The following OR9Q1 variants were observed in gnomAD, a reference collection of about 807,000 sequenced individuals.
The protein encoded by OR9Q1 is olfactory receptor family 9 subfamily Q member 1, also known as olfactory receptor 9Q1.
For synonymous variants in OR9Q1, 153 were observed against 148.6 expected (o/e 1.03, Z -0.22); for missense variants, 374 against 378.8 (o/e 0.99, Z 0.11).
chr11:58,046,486 A>G (rs1357728494), intron 1 of OR9Q1, among the ~76,000 whole-genome samples: 3 of 152,196 alleles, frequency 2.0e-5, no homozygotes, highest in Non-Finnish European at 4.4e-5. Context: ...TTGCTCAGTG[A>G]AGGGAGTGTT....
intron 2 of OR9Q1, among the ~76,000 whole-genome samples, chr11:58,056,251 A>T (rs571822081): frequency 1.2e-4 from 18 of 152,298 alleles, no homozygotes; most frequent in African/African-American, 4.1e-4. Context: ...AAAATTTAAC[A>T]GTTGACCTTC....
intron 2 of OR9Q1, among the ~76,000 whole-genome samples, chr11:58,095,983 CTAA>C (rs748729030): frequency 6.6e-6 from 1 of 151,970 alleles, no homozygotes; most frequent in African/African-American, 2.4e-5. Context: ...AGTTACAAAA[CTAA>C]TAATAAAAAA....
chr11:58,080,219 A>G (rs1296093218), intron 2 of OR9Q1, among the ~76,000 whole-genome samples: 2 of 152,128 alleles, frequency 1.3e-5, no homozygotes, highest in Non-Finnish European at 1.5e-5. Flanking sequence ...TTTAGCTCCC[A>G]TTTATGCATG....
intron 2 of OR9Q1, among the ~76,000 whole-genome samples, chr11:58,082,129 T>C (rs1853593187): frequency 6.6e-6 from 1 of 152,092 alleles, no homozygotes; most frequent in Admixed American, 6.6e-5. Flanking sequence ...CTGGAGAGGA[T>C]GTGGAGAAAT....
intron 2 of OR9Q1, among the ~76,000 whole-genome samples, chr11:58,095,772 G>T (rs1470079931): frequency 2.0e-5 from 3 of 152,090 alleles, no homozygotes; most frequent in African/African-American, 7.2e-5. Flanking sequence ...AGATTTGAAT[G>T]GGGACACAAA....
rs1381982585 is a variant in OR9Q1, at chr11:58,179,921, G to T, written c.477G>T (p.Arg159=). The change falls in exon 3 of 3, where the codon CGG becomes CGT. Residue 159 remains arginine, a synonymous_variant. Coordinates refer to ENST00000335397, the MANE Select transcript of OR9Q1 (RefSeq NM_001005212.4). ...CTGGTCTCATCAGTGCCTTGGTGCG[G>T]ACAGTCTCAGCCTTCACTCTCTCCT... is the stretch of plus-strand genomic sequence containing the variant. ...YVAGLISALV[R]TVSAFTLSFC... is the part of the protein sequence containing the mutation. The T allele has an allele frequency of 3.1e-6, 5 of 1,614,166 alleles. No homozygotes were observed. Among genetic ancestry groups the T allele is most frequent in the Non-Finnish European group, 4.2e-6 (5 of 1,180,032 alleles).
intron 1 of OR9Q1, among the ~76,000 whole-genome samples, chr11:58,042,626 C>G (rs895190494): frequency 6.7e-6 from 1 of 149,982 alleles, no homozygotes; most frequent in South Asian, 2.1e-4. Flanking sequence ...CTTGGCGATG[C>G]GGGCTCTTTT....
chr11:58,112,015 T>C (rs1030672374), intron 2 of OR9Q1, among the ~76,000 whole-genome samples: 1 of 152,076 alleles, frequency 6.6e-6, no homozygotes, highest in African/African-American at 2.4e-5. Flanking sequence ...GGGCCAGGTG[T>C]GGTGGCTCAT....
intron 2 of OR9Q1, among the ~76,000 whole-genome samples, chr11:58,122,987 G>T (rs1269573266): frequency 6.6e-6 from 1 of 151,122 alleles, no homozygotes; most frequent in Admixed American, 6.6e-5. Context: ...TTTTGTTATG[G>T]TCTTGCTTGG....
chr11:58,072,309 C>T (rs1482666073), intron 2 of OR9Q1: 1 of 152,344 alleles, frequency 6.6e-6, no homozygotes, highest in African/African-American at 2.4e-5. Flanking sequence ...TTTTTGGATA[C>T]ATGAAATTCA....
At position 58,180,323 on chromosome 11, in the gene OR9Q1, C is replaced by G; in HGVS notation, c.879C>G (p.Asn293Lys). ...ATCCCCTCATCTACAGCCTGAGGAA[C>G]AAGGAAGTGAAGGAGGCCCTGAGAA... ...MLNPLIYSLRNKEVKEALRKI... is the reference protein window; with the variant it reads ...MLNPLIYSLRKKEVKEALRKI... The change falls in exon 3 of 3, where the codon AAC becomes AAG. Residue 293 changes from asparagine to lysine, a missense_variant. By Grantham distance (94) the Asn-to-Lys change is moderately conservative. Coordinates refer to ENST00000335397, the MANE Select transcript of OR9Q1 (RefSeq NM_001005212.4). 6.2e-7 allele frequency: 1 copy of G among 1,608,176 alleles called. No individual in the cohort carries two copies.
At chr11:58,159,375 A>C (rs373812694) in intron 2 of OR9Q1, among the ~76,000 whole-genome samples, 6 of 152,210 alleles carry the variant, frequency 3.9e-5, no homozygotes, top group Admixed American at 2.6e-4. Flanking sequence ...AACTAAATAG[A>C]AACAAATTCT....
intron 1 of OR9Q1, among the ~76,000 whole-genome samples, chr11:58,030,459 G>T (rs1012011592): frequency 6.6e-6 from 1 of 152,144 alleles, no homozygotes; most frequent in African/African-American, 2.4e-5. Context: ...CAACAAATCT[G>T]TTAGGTTCTC....
At chr11:58,166,885 A>G (rs1854510067) in intron 2 of OR9Q1, among the ~76,000 whole-genome samples, 2 of 152,234 alleles carry the variant, frequency 1.3e-5, no homozygotes, top group Non-Finnish European at 2.9e-5. Context: ...GTATACATGT[A>G]TGGCTTACAA....
At chr11:58,134,658 CA>C (rs890166974) in intron 2 of OR9Q1, among the ~76,000 whole-genome samples, 2 of 152,114 alleles carry the variant, frequency 1.3e-5, no homozygotes, top group African/African-American at 4.8e-5. Flanking sequence ...TACAGGATTG[CA>C]AAATGAGGAA....
At chr11:58,046,730 G>A (rs1273284274) in intron 1 of OR9Q1, among the ~76,000 whole-genome samples, 1 of 152,134 alleles carries the variant, frequency 6.6e-6, no homozygotes, top group Non-Finnish European at 1.5e-5. Context: ...GGGCGTGGTA[G>A]TGGGTGCATG....
intron 2 of OR9Q1, among the ~76,000 whole-genome samples, chr11:58,170,253 C>T (rs1854542182): frequency 6.6e-6 from 1 of 152,100 alleles, no homozygotes; most frequent in South Asian, 2.1e-4. Flanking sequence ...GACATTGACT[C>T]CTTCTTAAGG....
chr11:58,125,239 GCCC>G (rs1326684125), intron 2 of OR9Q1: 5 of 85,248 alleles, frequency 5.9e-5, no homozygotes, highest in African/African-American at 2.8e-4. Flanking sequence ...CTTACCCACC[GCCC>G]CCCCCCCAAA....
At chr11:58,047,973 C>T (rs975894340) in intron 1 of OR9Q1, among the ~76,000 whole-genome samples, 1 of 152,196 alleles carries the variant, frequency 6.6e-6, no homozygotes, top group Admixed American at 6.5e-5. Flanking sequence ...TCTCTGCACA[C>T]TTTATGAAAA....
Sources: allele counts gnomAD v4.1 joint callset (sites outside exome capture counted in the v4.1 genomes callset), GRCh38; gene constraint gnomAD v4.1.1; transcripts MANE v1.5; gene names NCBI Gene and HGNC (gene_info 2026-07-23, HGNC 2026-07-21).